The following FGF12 variants were observed in gnomAD, a reference collection of about 807,000 sequenced individuals.
FGF12 encodes fibroblast growth factor 12.
FGF12 carries 14 observed loss-of-function variants against 23.6 expected under a neutral mutation model. The ratio of observed to expected loss-of-function variants is 0.59; its 90% confidence interval spans 0.39 to 0.93. The LOEUF (loss-of-function observed/expected upper bound fraction) is 0.93, where lower values mean the gene tolerates loss of function less well. FGF12 is among the 40% of genes least tolerant of loss of function. The pLI is 0.00. For synonymous variants in FGF12, 62 were observed against 77.3 expected, an observed-to-expected ratio of 0.80 and a Z score of 1.04; for missense variants, 175 against 217.8, an observed-to-expected ratio of 0.80 and a Z score of 1.24.
chr3:192,693,420 A>G (rs188711872), intron 2 of FGF12, among the ~76,000 whole-genome samples: 21 of 152,290 alleles, frequency 1.4e-4, no homozygotes, highest in African/African-American at 5.0e-4. Flanking sequence ...ATTAATTCTA[A>G]AATTTTTATG....
intron 2 of FGF12, among the ~76,000 whole-genome samples, chr3:192,643,182 C>T (rs1216054679): frequency 1.3e-5 from 2 of 152,090 alleles, no homozygotes; most frequent in Non-Finnish European, 2.9e-5. Context: ...AGTGGTGGAT[C>T]ATTTAGAATG....
chr3:192,662,909 C>A (rs1278835606), intron 2 of FGF12, among the ~76,000 whole-genome samples: 1 of 152,158 alleles, frequency 6.6e-6, no homozygotes, highest in African/African-American at 2.4e-5. Context: ...AGACCTGGTT[C>A]TCAAGAAGCC....
At chr3:192,689,837 C>T (rs1243771742) in intron 2 of FGF12, among the ~76,000 whole-genome samples, 2 of 151,074 alleles carry the variant, frequency 1.3e-5, no homozygotes, top group South Asian at 2.1e-4. Flanking sequence ...AAATTCAACC[C>T]AAAGAAGAGT....
intron 4 of FGF12, among the ~76,000 whole-genome samples, chr3:192,211,633 G>A (rs1423048335): frequency 6.6e-6 from 1 of 151,764 alleles, no homozygotes; most frequent in Non-Finnish European, 1.5e-5. Context: ...CATCATGTTG[G>A]CCAGGCTGGT....
At chr3:192,605,845 CTAT>C (rs2108635499) in intron 2 of FGF12, among the ~76,000 whole-genome samples, 1 of 152,162 alleles carries the variant, frequency 6.6e-6, no homozygotes, top group Non-Finnish European at 1.5e-5. Flanking sequence ...GTCAGAATGG[CTAT>C]TATTAAAAAG....
At chr3:192,494,544 C>T (rs1723890404) in intron 2 of FGF12, among the ~76,000 whole-genome samples, 2 of 152,152 alleles carry the variant, frequency 1.3e-5, no homozygotes, top group South Asian at 2.1e-4. Context: ...CCAAATCCTA[C>T]TAATATCCTG....
In FGF12 at chr3:192,320,032, C is replaced by G. The variant is rs75618448; in HGVS notation, c.228+15329G>C. On this transcript the variant is annotated intron_variant, in intron 4 of 5. Coordinates refer to ENST00000445105, the MANE Select transcript of FGF12 (RefSeq NM_004113.6). ...ATAACACAGAATGTAAATGAAATAA[C>G]TATCCAATCAAAAGACGTAGAGTGC... Among the ~76,000 whole-genome samples, 114 of 152,210 alleles carry G rather than the reference C, an allele frequency of 7.5e-4. 2 individuals are homozygous for G. In the East Asian group the frequency reaches 0.018, roughly 24 times the overall value.
In FGF12 at chr3:192,335,467, G is replaced by C. The variant is rs371917110; in HGVS notation, c.125-3C>G. The C allele has an allele frequency of 5.0e-6, 8 of 1,599,190 alleles. No homozygotes were observed. In the African/African-American group the frequency reaches 9.4e-5, roughly 19 times the overall value. On this transcript the variant is annotated splice_polypyrimidine_tract_variant and splice_region_variant and intron_variant, in intron 3 of 5. Transcript: ENST00000445105. ...CACGGGAATTAGATTGAAGAGAGCT[G>C]GGGGGAGAAAAAGAAGGGCGGAAAG... is the stretch of plus-strand genomic sequence containing the variant.
chr3:192,365,636 A>C (rs1314270753), intron 2 of FGF12, among the ~76,000 whole-genome samples: 2 of 152,128 alleles, frequency 1.3e-5, no homozygotes, highest in African/African-American at 4.8e-5. Context: ...GCAAGTAATA[A>C]ATGTTTTCCT....
chr3:192,569,162 C>T (rs1208070393), intron 2 of FGF12, among the ~76,000 whole-genome samples: 1 of 152,182 alleles, frequency 6.6e-6, no homozygotes, highest in Non-Finnish European at 1.5e-5. Context: ...TGAACACTTG[C>T]TTTGGGGCCA....
In FGF12 at chr3:192,442,808, C is replaced by CTTTT. The variant is rs764710938; in HGVS notation, c.14-82274_14-82271dup. Among the ~76,000 whole-genome samples, 2 of 139,752 alleles carry CTTTT rather than the reference C, an allele frequency of 1.4e-5. 1 individual carries two copies. The allele number at this position is 139,752 out of a possible 152,430, so 91.7% of individuals were successfully genotyped here. A position where few individuals can be genotyped will look rare whatever the true frequency, so the allele number is the denominator to read the frequency against. ...GAAATGGGAGCCACATGTATTCTAT[C>CTTTT]TTTTTTTTTTTTTTTTTGAGACAGA... is the stretch of plus-strand genomic sequence containing the variant. On this transcript the variant is annotated intron_variant, in intron 2 of 5. Transcript: ENST00000445105.
chr3:192,505,513 T>G lies in FGF12; in HGVS notation c.14-144975A>C, dbSNP rs2108835965. On this transcript the variant is annotated intron_variant, in intron 2 of 5. Transcript: ENST00000445105. Reference sequence around the variant, plus strand: ...GTTTAAAAAATTCACACGCATAGAATAGAAGAGATTATATTGGGGTTATAG... The same window carrying G: ...GTTTAAAAAATTCACACGCATAGAAGAGAAGAGATTATATTGGGGTTATAG... Among the ~76,000 whole-genome samples, 3 of 152,344 alleles carry G rather than the reference T, an allele frequency of 2.0e-5. 1 individual carries two copies. The highest frequency in any genetic ancestry group is 6.8e-3 in the Middle Eastern group (2 of 294).
At chr3:192,558,479 T>A (rs1304643711) in intron 2 of FGF12, among the ~76,000 whole-genome samples, 3 of 151,532 alleles carry the variant, frequency 2.0e-5, no homozygotes, top group African/African-American at 7.3e-5. Flanking sequence ...ATTGGAAAAA[T>A]TAATATTGCT....
intron 2 of FGF12, among the ~76,000 whole-genome samples, chr3:192,435,338 A>C (rs1218495486): frequency 6.6e-6 from 1 of 152,230 alleles, no homozygotes; most frequent in Non-Finnish European, 1.5e-5. Flanking sequence ...AAGGAAATAC[A>C]GTGAAAATTT....
At chr3:192,170,761 C>A in intron 4 of FGF12, 105 bp from the exon 5 acceptor site, 1 of 945,432 alleles carries the variant, frequency 1.1e-6, no homozygotes. Flanking sequence ...CTGTTAAGAA[C>A]AAATGAAAGG....
Position 192,408,063 on chromosome 3 carries a change from A to T in FGF12, c.14-47525T>A. 6.2e-7 allele frequency: 1 copy of T among 1,612,842 alleles called. No homozygotes were observed. On this transcript the variant is annotated intron_variant, in intron 2 of 5. Transcript: ENST00000445105. This position sits in a 1 kb window ranked among gnomAD's most constrained non-coding sequence, Gnocchi z 7.3. Reference sequence around the variant, plus strand: ...CACCGGCCTCTTGCGGCCGCTGCAGAAGCGCACTTTGCTGAACACCCCGAG... The same window carrying T: ...CACCGGCCTCTTGCGGCCGCTGCAGTAGCGCACTTTGCTGAACACCCCGAG...
At chr3:192,543,539 C>A (rs1725425546) in intron 2 of FGF12, among the ~76,000 whole-genome samples, 1 of 152,032 alleles carries the variant, frequency 6.6e-6, no homozygotes, top group Admixed American at 6.5e-5. Context: ...AGGAACGAAG[C>A]TCCCTTTACT....
At chr3:192,176,010 G>C (rs1273404034) in intron 4 of FGF12, among the ~76,000 whole-genome samples, 1 of 152,088 alleles carries the variant, frequency 6.6e-6, no homozygotes, top group Non-Finnish European at 1.5e-5. Context: ...GTCAGCTTTG[G>C]CCTTTCCCAC....
chr3:192,365,475 T>C (rs1334488610), intron 2 of FGF12, among the ~76,000 whole-genome samples: 1 of 152,118 alleles, frequency 6.6e-6, no homozygotes, highest in Non-Finnish European at 1.5e-5. Context: ...AGATTCTTCA[T>C]TGTGACAAAT....
Sources: allele counts gnomAD v4.1 joint callset (sites outside exome capture counted in the v4.1 genomes callset), GRCh38; gene constraint gnomAD v4.1.1; non-coding constraint Gnocchi (gnomAD v3.1); transcripts MANE v1.5; gene names NCBI Gene and HGNC (gene_info 2026-07-23, HGNC 2026-07-21).